Variants in ABCA6 observed in about 807,000 individuals in gnomAD.
The protein encoded by ABCA6 is ATP binding cassette subfamily A member 6.
Under a neutral mutation model 191.2 loss-of-function variants are expected in ABCA6, and 164 were observed. The observed-to-expected ratio is 0.86, with a 90% CI of 0.76 to 0.98. The LOEUF (loss-of-function observed/expected upper bound fraction) is 0.98, where lower values mean the gene tolerates loss of function less well. Ranked by LOEUF, ABCA6 falls within the 50% of genes least tolerant of loss-of-function variation. The pLI, the probability that ABCA6 is intolerant of heterozygous loss-of-function variation, is 0.00. For synonymous variants in ABCA6, 636 were observed against 647.7 expected (o/e 0.98, Z 0.27); for missense variants, 1,958 against 1,894.1 (o/e 1.03, Z -0.63).
chr17:69,111,336 G>A (rs761662886), intron 16 of ABCA6: 3 of 154,516 alleles, frequency 1.9e-5, no homozygotes, highest in African/African-American at 7.2e-5. Flanking sequence ...TTTGGCCATA[G>A]GGTTATTTTA....
chr17:69,086,816 A>G (rs1035231848), intron 29 of ABCA6, 81 bp from the exon 30 acceptor site: 7 of 861,868 alleles, frequency 8.1e-6, no homozygotes, highest in Non-Finnish European at 9.2e-6. Context: ...GCCTTATGTC[A>G]TAAGCCAAAC....
rs200105664 is a variant in ABCA6 at position 69,083,242 on chromosome 17, C to T, written c.4445G>A (p.Arg1482His). The change falls in exon 35 of 39, where the codon CGT (arginine) becomes CAT (histidine). Residue 1482 changes from arginine to histidine, a missense_variant. Coordinates refer to ENST00000284425, the MANE Select transcript of ABCA6 (RefSeq NM_080284.3). Reference protein sequence around the residue: ...NLAEAEALCDRVAIMVSGRLR... With the variant: ...NLAEAEALCDHVAIMVSGRLR... ...CCTTCCAGACACCATGATGGCCACA[C>T]GGTCACACAAGGCTTCCGCCTCAGC... is the stretch of plus-strand genomic sequence containing the variant. 4.5e-5 allele frequency: 73 copies of T among 1,607,626 alleles called. No homozygotes were observed. In the Admixed American group the frequency reaches 5.0e-4, roughly 11 times the overall value.
At position 69,135,914 on chromosome 17, in the gene ABCA6, T is replaced by G. The variant is rs78462956; in HGVS notation, c.460+178A>C. ...ACATATATGTTGGATGACTCTACAA[T>G]TTTTGCAGTCATCCTGTAGTAGGAA... On this transcript the variant is annotated intron_variant, in intron 4 of 38. Coordinates refer to ENST00000284425, the MANE Select transcript of ABCA6 (RefSeq NM_080284.3). 2.2e-3 allele frequency: 1,373 copies of G among 631,298 alleles called. 12 individuals carry two copies. The African/African-American group carries it at 0.023, about 11-fold the overall frequency. The allele number at this position is 631,298 out of a possible 1,614,324, so 39.1% of individuals were successfully genotyped here.
At chr17:69,096,854 C>T in intron 23 of ABCA6, 53 bp from the exon 24 acceptor site, 1 of 1,364,828 alleles carries the variant, frequency 7.3e-7, no homozygotes. Flanking sequence ...AATTAAAATG[C>T]AAATCTAAAA....
At chr17:69,089,354 A>G (rs1438138222) in intron 27 of ABCA6, 111 bp downstream of exon 27, 1 of 993,350 alleles carries the variant, frequency 1.0e-6, no homozygotes. Context: ...TGCTTTATCT[A>G]AGATCATATA....
intron 9 of ABCA6, 28 bp from the exon 10 acceptor site, chr17:69,123,435 G>T: frequency 2.1e-6 from 3 of 1,422,196 alleles, no homozygotes; most frequent in South Asian, 3.4e-5. Context: ...AACAAAATAT[G>T]ATCAGTAATA....
chr17:69,085,519 CAAAAAAAAA>C (rs35438104), intron 31 of ABCA6, 97 bp downstream of exon 31: 4 of 474,634 alleles, frequency 8.4e-6, no homozygotes, highest in Non-Finnish European at 1.3e-5. Flanking sequence ...TATCCAAAGG[CAAAAAAAAA>C]AAAAAAAGAA....
chr17:69,092,014 C>G (rs1461785805), intron 25 of ABCA6, among the ~76,000 whole-genome samples: 1 of 152,128 alleles, frequency 6.6e-6, no homozygotes, highest in South Asian at 2.1e-4. Context: ...GGAGCTTTCT[C>G]ATTGTCCTTC....
At chr17:69,104,154 G>A (rs1457537784) in intron 20 of ABCA6, 1 of 152,016 alleles carries the variant, frequency 6.6e-6, no homozygotes, top group African/African-American at 2.4e-5. Context: ...CACATTAAAA[G>A]ATAAACGTGT....
At chr17:69,096,534 T>C (rs563759108) in intron 24 of ABCA6, 94 bp downstream of exon 24, 23 of 1,052,854 alleles carry the variant, frequency 2.2e-5, no homozygotes, top group Admixed American at 3.6e-5. Flanking sequence ...TATTACAAAA[T>C]ATGAATTAAA....
At position 69,089,531 on chromosome 17, in the gene ABCA6, C is replaced by T. The variant is rs779633802; in HGVS notation, c.3540G>A (p.Glu1180=). The T allele has an allele frequency of 6.2e-7, 1 of 1,612,960 alleles. No individual in the cohort carries two copies. Among genetic ancestry groups the T allele is most frequent in the Non-Finnish European group, 8.5e-7 (1 of 1,179,642 alleles). ...FKTFLEVRDQ[E]HYREFPEANF... Reference sequence around the variant, plus strand: ...TTGCCTCTGGAAATTCTCTGTAGTGCTCCTGGTCTCTCTGAAAAGACAAAA... The same window carrying T: ...TTGCCTCTGGAAATTCTCTGTAGTGTTCCTGGTCTCTCTGAAAAGACAAAA... The change falls in exon 27 of 39, where the codon GAG becomes GAA. Residue 1180 remains glutamate (E), a synonymous_variant. Coordinates refer to ENST00000284425, the MANE Select transcript of ABCA6 (RefSeq NM_080284.3).
intron 7 of ABCA6, 87 bp from the exon 8 acceptor site, chr17:69,128,891 A>C (rs1257065036): frequency 3.0e-6 from 3 of 998,470 alleles, no homozygotes; most frequent in Non-Finnish European, 4.4e-6. Flanking sequence ...AAGGATTTTT[A>C]TATCATAACA....
At chr17:69,126,753 G>A (rs999124996) in intron 8 of ABCA6, among the ~76,000 whole-genome samples, 6 of 152,048 alleles carry the variant, frequency 3.9e-5, no homozygotes, top group African/African-American at 2.4e-5. Context: ...TATTTTCTTC[G>A]AACTGATCGA....
intron 13 of ABCA6, 72 bp downstream of exon 13, chr17:69,114,690 A>C (rs944050607): frequency 1.2e-5 from 16 of 1,390,856 alleles, no homozygotes; most frequent in East Asian, 4.9e-5. Flanking sequence ...AAATCATTGA[A>C]GAGAATTCTG....
intron 23 of ABCA6, among the ~76,000 whole-genome samples, chr17:69,097,208 T>C (rs186735876): frequency 4.7e-4 from 72 of 152,182 alleles, no homozygotes; most frequent in Non-Finnish European, 1.8e-4. Context: ...CTGGCTAACA[T>C]GGTGAAAGCC....
At chr17:69,117,317 T>C (rs1387681447) in intron 11 of ABCA6, among the ~76,000 whole-genome samples, 3 of 152,080 alleles carry the variant, frequency 2.0e-5, no homozygotes, top group Non-Finnish European at 2.9e-5. Context: ...TCCTAAAAAT[T>C]ATTTTTAATA....
At position 69,114,855 on chromosome 17, in the gene ABCA6, T is replaced by G; in HGVS notation, c.1689A>C (p.Gln563His). ...EIRKITGVCP[Q>H]FNVQFDILTV... ...TGAGTATGTCAAATTGAACATTGAA[T>G]TGAGGACAGACGCCAGTTATCTTTC... Residue 563 changes from glutamine to histidine, a missense_variant, in exon 13 of 39, where the codon CAA (glutamine) becomes CAC (histidine). By Grantham distance (24) the Gln-to-His change is conservative (BLOSUM62 0). Coordinates refer to ENST00000284425, the MANE Select transcript of ABCA6 (RefSeq NM_080284.3). 1 of 1,612,800 alleles carries G rather than the reference T, an allele frequency of 6.2e-7. No individual in the cohort carries two copies.
rs914612963 is a variant in ABCA6 at position 69,141,888 on chromosome 17, T to C, written c.-189A>G. 2 of 152,102 alleles carry C rather than the reference T, an allele frequency of 1.3e-5. No individual in the cohort carries two copies. The highest frequency in any genetic ancestry group is 2.4e-5 in the African/African-American group (1 of 41,448). The allele number at this position is 152,102 out of a possible 1,614,324, so 9.4% of individuals were successfully genotyped here. ...CTACTCCAGCAGCTCTTACACAGCC[T>C]GGTTTCTGAAAAGGGGTGTAGCCAG... is the stretch of plus-strand genomic sequence containing the variant. On this transcript the variant is annotated 5_prime_UTR_variant, in exon 1 of 39. Coordinates refer to ENST00000284425, the MANE Select transcript of ABCA6 (RefSeq NM_080284.3).
chr17:69,133,530 A>T, intron 6 of ABCA6, 111 bp downstream of exon 6: 1 of 795,918 alleles, frequency 1.3e-6, no homozygotes, highest in Non-Finnish European at 2.0e-6. Context: ...ACAAAAGAAA[A>T]AGTAGCCAAT....
Sources: allele counts gnomAD v4.1 joint callset (sites outside exome capture counted in the v4.1 genomes callset), GRCh38; gene constraint gnomAD v4.1.1; transcripts MANE v1.5; gene names NCBI Gene and HGNC (gene_info 2026-07-23, HGNC 2026-07-21).